The following ZC3H12B variants were observed in gnomAD, a reference collection of about 807,000 sequenced individuals.
ZC3H12B encodes the protein probable ribonuclease ZC3H12B.
In ZC3H12B, 7 loss-of-function variants were observed where a neutral mutation model predicts 43.9. That is an observed-to-expected ratio of 0.16 (90% confidence interval 0.09 to 0.30). ZC3H12B has a LOEUF of 0.30. Ranked by LOEUF, ZC3H12B falls within the 10% of genes least tolerant of loss-of-function variation. The pLI, the probability that ZC3H12B is intolerant of heterozygous loss-of-function variation, is 1.00. For missense variants in ZC3H12B, 475 were observed against 670.2 expected (o/e 0.71, Z 3.22); for synonymous variants, 222 against 241.7 (o/e 0.92, Z 0.76).
chrX:65,342,883 T>C, the ZC3H12B span, among the ~76,000 whole-genome samples: 46 of 109,014 alleles, frequency 4.2e-4, no homozygotes, highest in African/African-American at 1.5e-3. Context: ...CAAGAGTTTG[T>C]TTTTTAGAAA....
chrX:65,502,156 C>A, exon 5 of ZC3H12B: 1 of 1,210,699 alleles, frequency 8.3e-7, no homozygotes, highest in Non-Finnish European at 1.1e-6. Context: ...GTGCACTCAA[C>A]ACCCGTTCGG....
chrX:65,492,838 A>G (rs989830978), intron 1 of ZC3H12B, among the ~76,000 whole-genome samples: 1 of 112,001 alleles, frequency 8.9e-6, no homozygotes, highest in Non-Finnish European at 1.9e-5. Flanking sequence ...ACAGTGGCTC[A>G]AGCTTGTAAT....
At chrX:65,331,056 T>C in the ZC3H12B span, 1 of 330,257 alleles carries the variant, frequency 3.0e-6, no homozygotes. Context: ...GAGTACTCTG[T>C]TCTCTGGAAT....
chrX:65,440,590 G>A (rs905600386), intron 3 of ZC3H12B, among the ~76,000 whole-genome samples: 1 of 112,201 alleles, frequency 8.9e-6, no homozygotes, highest in Non-Finnish European at 1.9e-5. Flanking sequence ...GTTGTTTACT[G>A]CAGGAATTGT....
upstream of ZC3H12B, among the ~76,000 whole-genome samples, chrX:65,364,534 A>T (rs1181278308): frequency 1.0e-5 from 1 of 97,073 alleles, no homozygotes; most frequent in African/African-American, 5.7e-5. Flanking sequence ...TCCAACTTCT[A>T]TCCTTCATGG....
chrX:65,188,006 G>A, the ZC3H12B span, among the ~76,000 whole-genome samples: 2 of 110,695 alleles, frequency 1.8e-5, no homozygotes, highest in Non-Finnish European at 1.9e-5. Context: ...TGATCTACAT[G>A]AGTTCAATTG....
chrX:65,293,944 G>GAGGAAAAC, the ZC3H12B span, among the ~76,000 whole-genome samples: 1 of 111,740 alleles, frequency 8.9e-6, no homozygotes, highest in African/African-American at 3.2e-5. Flanking sequence ...GGGAATAATT[G>GAGGAAAAC]AGGAAAACTT....
intron 3 of ZC3H12B, among the ~76,000 whole-genome samples, chrX:65,403,771 C>A (rs1422667612): frequency 9.0e-6 from 1 of 111,443 alleles, no homozygotes; most frequent in African/African-American, 3.3e-5. Context: ...CACAGACTAA[C>A]AAAAGCTGAG....
the ZC3H12B span, among the ~76,000 whole-genome samples, chrX:65,249,311 A>C: frequency 2.7e-5 from 3 of 111,864 alleles, no homozygotes; most frequent in African/African-American, 9.7e-5. Context: ...TTATCCCAGC[A>C]CTATTTGTTG....
the ZC3H12B span, among the ~76,000 whole-genome samples, chrX:65,353,335 C>T: frequency 1.5e-3 from 165 of 111,128 alleles, no homozygotes; most frequent in Non-Finnish European, 2.1e-3. Context: ...TTTTGGGCAT[C>T]CCTATTCTCT....
At chrX:65,069,547 G>A in the ZC3H12B span, among the ~76,000 whole-genome samples, 1 of 110,825 alleles carries the variant, frequency 9.0e-6, no homozygotes, top group Non-Finnish European at 1.9e-5. Context: ...CCTTCTCTGT[G>A]TTATCTTTAT....
At chrX:65,160,802 GC>G in the ZC3H12B span, among the ~76,000 whole-genome samples, 1 of 111,203 alleles carries the variant, frequency 9.0e-6, no homozygotes, top group Admixed American at 9.6e-5. Context: ...CCTTCTGCTA[GC>G]TTTTGAATGT....
chrX:65,109,575 A>G, the ZC3H12B span, among the ~76,000 whole-genome samples: 1 of 111,751 alleles, frequency 8.9e-6, no homozygotes, highest in Non-Finnish European at 1.9e-5. Context: ...GATGTACTAC[A>G]TGTAGTTTAT....
At chrX:65,340,482 C>T in the ZC3H12B span, among the ~76,000 whole-genome samples, 1 of 111,851 alleles carries the variant, frequency 8.9e-6, no homozygotes. Flanking sequence ...GGTCTGGCAG[C>T]ACCTCCATTC....
the ZC3H12B span, among the ~76,000 whole-genome samples, chrX:65,204,037 C>A: frequency 8.9e-6 from 1 of 112,185 alleles, no homozygotes; most frequent in Non-Finnish European, 1.9e-5. Flanking sequence ...AATGCAGAGT[C>A]CCACAATCAT....
chrX:65,120,439 C>T, the ZC3H12B span, among the ~76,000 whole-genome samples: 5 of 111,329 alleles, frequency 4.5e-5, no homozygotes, highest in Non-Finnish European at 9.4e-5. Flanking sequence ...CATGATTTGG[C>T]TCTCTGTTTG....
the ZC3H12B span, among the ~76,000 whole-genome samples, chrX:65,213,142 T>C: frequency 9.1e-6 from 1 of 109,939 alleles, no homozygotes; most frequent in Non-Finnish European, 1.9e-5. Flanking sequence ...GCATATATTA[T>C]AAAATTTATA....
chrX:65,380,078 CA>C (rs1046089640), intron 2 of ZC3H12B, among the ~76,000 whole-genome samples: 2 of 111,581 alleles, frequency 1.8e-5, no homozygotes, highest in Non-Finnish European at 3.8e-5. Flanking sequence ...CAAGGCAGGC[CA>C]ACATTCAGAT....
At chrX:65,373,971 G>GATA (rs2066296174) in intron 2 of ZC3H12B, among the ~76,000 whole-genome samples, 1 of 41,348 alleles carries the variant, frequency 2.4e-5, no homozygotes, top group Non-Finnish European at 3.3e-5. Flanking sequence ...TGTATATATA[G>GATA]TATATATATA....
Sources: allele counts gnomAD v4.1 joint callset (sites outside exome capture counted in the v4.1 genomes callset), GRCh38; gene constraint gnomAD v4.1.1; transcripts MANE v1.5; gene names NCBI Gene and HGNC (gene_info 2026-07-23, HGNC 2026-07-21).